The following UMPS variants were observed in gnomAD, a reference collection of about 807,000 sequenced individuals.
UMPS encodes the protein uridine monophosphate synthetase, also known as uridine 5'-monophosphate synthase.
UMPS carries 21 observed loss-of-function variants against 38.9 expected under a neutral mutation model. That is an observed-to-expected ratio of 0.54 (90% CI 0.38 to 0.78). The LOEUF is 0.78. Ranked by LOEUF, UMPS falls within the 30% of genes least tolerant of loss-of-function variation. The pLI is 0.00. For missense variants in UMPS, 533 were observed against 591.6 expected (o/e 0.90, Z 1.03); for synonymous variants, 208 against 219.3 (o/e 0.95, Z 0.45).
intron 1 of UMPS, chr3:124,731,535 G>A (rs577888769): frequency 4.6e-4 from 199 of 435,366 alleles, no homozygotes; most frequent in Non-Finnish European, 8.2e-4. Context: ...ACCCAGGCTG[G>A]AGTGCAGCTC....
chr3:124,733,731 T>G (rs1025187543), intron 1 of UMPS: 2 of 153,688 alleles, frequency 1.3e-5, no homozygotes, highest in African/African-American at 2.4e-5. Flanking sequence ...GGCACGATCA[T>G]TGTTCCTTTC....
In UMPS at chr3:124,746,539, A is replaced by G. The variant is rs2063599723; in HGVS notation, c.*2455A>G. The stretch of plus-strand genomic sequence containing the variant: ...AAGCGCTGTTCTTCAGCATTGAAGT[A>G]TTTTGGAGGCATTAGATAGTTTAAC... On this transcript the variant is annotated 3_prime_UTR_variant, in exon 6 of 6. Transcript: ENST00000232607. The G allele has an allele frequency of 2.2e-6, 1 of 454,016 alleles. No homozygotes were observed. Among genetic ancestry groups the G allele is most frequent in the Non-Finnish European group, 4.4e-6 (1 of 226,800 alleles). 28.1% of individuals were successfully genotyped at this position (454,016 alleles called of 1,614,324 possible). A position where few individuals can be genotyped will look rare whatever the true frequency, so the allele number is the denominator to read the frequency against.
rs1339514455 is a variant in UMPS at position 124,747,433 on chromosome 3, C to T, written c.*3349C>T. On this transcript the variant is annotated 3_prime_UTR_variant, in exon 6 of 6. Coordinates refer to ENST00000232607, the MANE Select transcript of UMPS (RefSeq NM_000373.4). ...CCCGGTGGGTGGGAGTCACTCAGTA[C>T]CAGTTCCGAGCCTGAACCCAAACTC... 2.2e-6 allele frequency: 1 copy of T among 454,162 alleles called. No individual in the cohort carries two copies. Among genetic ancestry groups the T allele is most frequent in the Non-Finnish European group, 4.4e-6 (1 of 226,698 alleles). 28.1% of individuals were successfully genotyped at this position (454,162 alleles called of 1,614,324 possible). A position where few individuals can be genotyped will look rare whatever the true frequency, so the allele number is the denominator to read the frequency against.
chr3:124,743,905 T>C lies in UMPS; in HGVS notation c.1274-10T>C. ...ATTATGTGAAACAACAATTTTTGTG[T>C]TTCTTGCAGGAGATAATCTTGGCCA... On this transcript the variant is annotated splice_polypyrimidine_tract_variant and intron_variant, in intron 5 of 5. Transcript: ENST00000232607. 2 of 1,614,038 alleles carry C rather than the reference T, an allele frequency of 1.2e-6. No homozygotes were observed. The highest frequency in any genetic ancestry group is 1.7e-6 in the Non-Finnish European group (2 of 1,179,948).
Position 124,747,118 on chromosome 3 carries a change from A to T in UMPS, c.*3034A>T. The T allele has an allele frequency of 2.2e-6, 1 of 453,948 alleles. No homozygotes were observed. Among genetic ancestry groups the T allele is most frequent in the Non-Finnish European group, 4.4e-6 (1 of 226,726 alleles). 28.1% of individuals were successfully genotyped at this position (453,948 alleles called of 1,614,324 possible). A position where few individuals can be genotyped will look rare whatever the true frequency, so the allele number is the denominator to read the frequency against. ...TCAAGCGATCCGCTCAAGTAGCTGG[A>T]ACTACTCTCAAGTAGCTCTCAAGAG... On this transcript the variant is annotated 3_prime_UTR_variant, in exon 6 of 6. Coordinates refer to ENST00000232607, the MANE Select transcript of UMPS (RefSeq NM_000373.4).
intron 1 of UMPS, among the ~76,000 whole-genome samples, chr3:124,730,932 G>C (rs1244088195): frequency 6.6e-6 from 1 of 152,192 alleles, no homozygotes; most frequent in East Asian, 1.9e-4. Flanking sequence ...AACTCTTTAA[G>C]AAAATTAGAC....
Position 124,747,017 on chromosome 3 carries a change from G to C in UMPS, c.*2933G>C, listed in dbSNP as rs1365544217. The C allele has an allele frequency of 8.8e-6, 4 of 453,698 alleles. No individual in the cohort carries two copies. Among genetic ancestry groups the C allele is most frequent in the Non-Finnish European group, 1.3e-5 (3 of 226,738 alleles). 28.1% of individuals were successfully genotyped at this position (453,698 alleles called of 1,614,324 possible). On this transcript the variant is annotated 3_prime_UTR_variant, in exon 6 of 6. Coordinates refer to ENST00000232607, the MANE Select transcript of UMPS (RefSeq NM_000373.4). ...GAGGGCTGGTTTTTTGTTTTGTTTT[G>C]TTTGTTTGATACAGGGTCTTCACTC... is the stretch of plus-strand genomic sequence containing the variant.
chr3:124,742,108 G>A, intron 4 of UMPS, 44 bp from the exon 5 acceptor site: 2 of 1,322,392 alleles, frequency 1.5e-6, no homozygotes, highest in South Asian at 2.4e-5. Flanking sequence ...TATTCTGTGT[G>A]ATTAACTGTT....
rs181517593 is a variant in UMPS at position 124,744,399 on chromosome 3, G to C, written c.*315G>C. 81 of 478,902 alleles carry C rather than the reference G, an allele frequency of 1.7e-4. No individual in the cohort carries two copies. The highest frequency in any genetic ancestry group is 1.3e-3 in the Middle Eastern group (2 of 1,594). The allele number at this position is 478,902 out of a possible 1,614,324, so 29.7% of individuals were successfully genotyped here. A position where few individuals can be genotyped will look rare whatever the true frequency, so the allele number is the denominator to read the frequency against. On this transcript the variant is annotated 3_prime_UTR_variant, in exon 6 of 6. Coordinates refer to ENST00000232607, the MANE Select transcript of UMPS (RefSeq NM_000373.4). Reference sequence around the variant, plus strand: ...TCCTATCTCTCCATGGGACTAGACTGCTTTGTTATTCTATTTATTTTTTAA... The same window carrying C: ...TCCTATCTCTCCATGGGACTAGACTCCTTTGTTATTCTATTTATTTTTTAA...
chr3:124,742,367 C>A, intron 5 of UMPS, 101 bp downstream of exon 5: 2 of 864,464 alleles, frequency 2.3e-6, no homozygotes, highest in Non-Finnish European at 3.9e-6. Context: ...TTAAGAAAAG[C>A]CTTCTTAGTC....
Position 124,737,896 on chromosome 3 carries a change from T to C in UMPS, c.639T>C (p.Gly213=). The change falls in exon 3 of 6, where the codon GGT becomes GGC. Residue 213 remains glycine, a synonymous_variant. Coordinates refer to ENST00000232607, the MANE Select transcript of UMPS (RefSeq NM_000373.4). ...ENVFVAANHN[G]SPLSIKEAPK... The stretch of plus-strand genomic sequence containing the variant: ...TCTTTGTGGCAGCGAATCATAATGG[T>C]TCTCCCCTTTCTATAAAGGAAGCAC... 6.2e-7 allele frequency: 1 copy of C among 1,614,222 alleles called. No homozygotes were observed. The highest frequency in any genetic ancestry group is 8.5e-7 in the Non-Finnish European group (1 of 1,180,042).
intron 4 of UMPS, among the ~76,000 whole-genome samples, chr3:124,740,752 G>A (rs999658814): frequency 6.6e-6 from 1 of 152,146 alleles, no homozygotes; most frequent in African/African-American, 2.4e-5. Context: ...GAGGCCAGGA[G>A]TTGGACGTCA....
rs1468152989 is a variant in UMPS, at chr3:124,747,097, G to T, written c.*3013G>T. 2.2e-6 allele frequency: 1 copy of T among 453,800 alleles called. No homozygotes were observed. The highest frequency in any genetic ancestry group is 2.0e-5 in the African/African-American group (1 of 50,106). 28.1% of individuals were successfully genotyped at this position (453,800 alleles called of 1,614,324 possible). Reference sequence around the variant, plus strand: ...CACTGCAACCTTGACTTGGGCTCAAGCGATCCGCTCAAGTAGCTGGAACTA... The same window carrying T: ...CACTGCAACCTTGACTTGGGCTCAATCGATCCGCTCAAGTAGCTGGAACTA... On this transcript the variant is annotated 3_prime_UTR_variant, in exon 6 of 6. Transcript: ENST00000232607.
chr3:124,734,220 T>C (rs1284186485), intron 1 of UMPS, among the ~76,000 whole-genome samples: 2 of 152,166 alleles, frequency 1.3e-5, no homozygotes, highest in Non-Finnish European at 2.9e-5. Flanking sequence ...TGTAAACCTA[T>C]GATCTAGTTC....
intron 4 of UMPS, among the ~76,000 whole-genome samples, chr3:124,740,619 C>T (rs950527767): frequency 6.6e-6 from 1 of 152,142 alleles, no homozygotes; most frequent in Non-Finnish European, 1.5e-5. Flanking sequence ...GTGGCTTTCT[C>T]TTATTCTTGT....
chr3:124,739,506 G>A (rs2063541507), intron 3 of UMPS, among the ~76,000 whole-genome samples: 1 of 151,798 alleles, frequency 6.6e-6, no homozygotes, highest in Non-Finnish European at 1.5e-5. Flanking sequence ...TAATTTTTTT[G>A]TATTTTTGGT....
intron 4 of UMPS, among the ~76,000 whole-genome samples, 183 bp downstream of exon 4, chr3:124,740,382 C>A (rs2063548456): frequency 6.6e-6 from 1 of 152,136 alleles, no homozygotes; most frequent in Non-Finnish European, 1.5e-5. Context: ...CATTTTATAT[C>A]ATGTAGTGGA....
In UMPS at chr3:124,743,902, G is replaced by A. The variant is rs751417695; in HGVS notation, c.1274-13G>A. The A allele has an allele frequency of 1.2e-6, 2 of 1,613,820 alleles. No homozygotes were observed. Among genetic ancestry groups the A allele is most frequent in the East Asian group, 2.2e-5 (1 of 44,872 alleles). Reference sequence around the variant, plus strand: ...TGTATTATGTGAAACAACAATTTTTGTGTTTCTTGCAGGAGATAATCTTGG... The same window carrying A: ...TGTATTATGTGAAACAACAATTTTTATGTTTCTTGCAGGAGATAATCTTGG... On this transcript the variant is annotated splice_polypyrimidine_tract_variant and intron_variant, in intron 5 of 5. Transcript: ENST00000232607.
At position 124,748,072 on chromosome 3, in the gene UMPS, A is replaced by G. The variant is rs760416869; in HGVS notation, c.*3988A>G. ...TGTTGGAGTTATATTTTTAAAATAT[A>G]TATTTTAACAGTTATATATATTAGA... is the stretch of plus-strand genomic sequence containing the variant. On this transcript the variant is annotated 3_prime_UTR_variant, in exon 6 of 6. Coordinates refer to ENST00000232607, the MANE Select transcript of UMPS (RefSeq NM_000373.4). The G allele has an allele frequency of 1.0e-5, 4 of 396,800 alleles. No individual in the cohort carries two copies. Among genetic ancestry groups the G allele is most frequent in the African/African-American group, 4.2e-5 (2 of 47,426 alleles). The allele number at this position is 396,800 out of a possible 1,614,324, so 24.6% of individuals were successfully genotyped here.
Sources: allele counts gnomAD v4.1 joint callset (sites outside exome capture counted in the v4.1 genomes callset), GRCh38; gene constraint gnomAD v4.1.1; transcripts MANE v1.5; gene names NCBI Gene and HGNC (gene_info 2026-07-23, HGNC 2026-07-21).